PBRM1: variants seen among roughly 807,000 people sequenced by gnomAD.
The protein encoded by PBRM1 is protein polybromo-1.
In PBRM1, 27 loss-of-function variants were observed where a neutral mutation model predicts 194.5. That is an observed-to-expected ratio of 0.14 (90% CI 0.10 to 0.19). The LOEUF (loss-of-function observed/expected upper bound fraction) is 0.19, where lower values mean the gene tolerates loss of function less well. PBRM1 is among the 10% of genes least tolerant of loss of function. The probability of loss-of-function intolerance (pLI) is 1.00; values close to 1 mark genes in which losing one functional copy is unlikely to be tolerated. For synonymous variants in PBRM1, 655 were observed against 693.2 expected, an observed-to-expected ratio of 0.94 and a Z score of 0.87; for missense variants, 1,466 against 2,077.2, an observed-to-expected ratio of 0.71 and a Z score of 5.72.
At chr3:52,590,482 C>A (rs1258050931) in intron 17 of PBRM1, among the ~76,000 whole-genome samples, 1 of 151,878 alleles carries the variant, frequency 6.6e-6, no homozygotes, top group African/African-American at 2.4e-5. Flanking sequence ...AGTTCCAGTA[C>A]AAGCTATCGT....
intron 20 of PBRM1, among the ~76,000 whole-genome samples, chr3:52,582,241 CAA>C (rs71084194): frequency 1.5e-4 from 14 of 91,252 alleles, no homozygotes; most frequent in Non-Finnish European, 1.3e-4. Flanking sequence ...GACTCCGTTT[CAA>C]AAAAAAAAAA....
At chr3:52,555,122 G>C (rs190321114) in intron 26 of PBRM1, among the ~76,000 whole-genome samples, 1 of 152,240 alleles carries the variant, frequency 6.6e-6, no homozygotes, top group Non-Finnish European at 1.5e-5. Flanking sequence ...ATTTTCCCTG[G>C]GGTAAATATG....
intron 3 of PBRM1, among the ~76,000 whole-genome samples, chr3:52,664,242 A>G (rs1011897465): frequency 1.3e-5 from 2 of 151,836 alleles, no homozygotes; most frequent in Admixed American, 6.6e-5. Flanking sequence ...CTTTAAAAAA[A>G]TAAATAAATA....
intron 1 of PBRM1, chr3:52,685,385 A>C (rs2097295765): frequency 6.6e-6 from 1 of 152,134 alleles, no homozygotes; most frequent in Non-Finnish European, 1.5e-5. Context: ...AAGAAACCAC[A>C]ACAAAAAAAA....
intron 11 of PBRM1, among the ~76,000 whole-genome samples, chr3:52,633,329 T>A (rs1423467060): frequency 6.6e-6 from 1 of 152,200 alleles, no homozygotes; most frequent in Non-Finnish European, 1.5e-5. Context: ...TCAAGCTTCA[T>A]CCATGTTAGA....
chr3:52,635,854 TTTTA>T (rs1032408589), intron 10 of PBRM1, among the ~76,000 whole-genome samples: 1 of 152,044 alleles, frequency 6.6e-6, no homozygotes, highest in East Asian at 1.9e-4. Flanking sequence ...GCTGATTCTT[TTTTA>T]TTTATTTCTT....
At chr3:52,596,731 C>G (rs1264962556) in intron 17 of PBRM1, among the ~76,000 whole-genome samples, 1 of 152,126 alleles carries the variant, frequency 6.6e-6, no homozygotes, top group Non-Finnish European at 1.5e-5. Context: ...AGGCAAAGAC[C>G]TCTTTACTCT....
At chr3:52,653,882 C>T (rs2096559477) in intron 5 of PBRM1, among the ~76,000 whole-genome samples, 1 of 152,128 alleles carries the variant, frequency 6.6e-6, no homozygotes, top group Admixed American at 6.5e-5. Flanking sequence ...TGCACTCCAG[C>T]CTGGGTGACA....
chr3:52,685,854 C>A, upstream of PBRM1: 1 of 505,962 alleles, frequency 2.0e-6, no homozygotes, highest in Admixed American at 4.2e-5. Flanking sequence ...CGGCCGCTGC[C>A]GTCGCTTCGG....
Position 52,591,511 on chromosome 3 carries a change from G to GTTTTTTT in PBRM1, c.2780-2263_2780-2257dup, listed in dbSNP as rs57736913. Among the ~76,000 whole-genome samples, 375 of 71,878 alleles carry GTTTTTTT rather than the reference G, an allele frequency of 5.2e-3. 4 individuals are homozygous for GTTTTTTT. The highest frequency in any genetic ancestry group is 6.7e-3 in the Non-Finnish European group (266 of 39,512). The allele number at this position is 71,878 out of a possible 152,430, so 47.2% of individuals were successfully genotyped here. A position where few individuals can be genotyped will look rare whatever the true frequency, so the allele number is the denominator to read the frequency against. On this transcript the variant is annotated intron_variant, in intron 17 of 29. Transcript: ENST00000296302. The stretch of plus-strand genomic sequence containing the variant: ...TTGAGATAATGTAGTTTTTGTCTTT[G>GTTTTTTT]TTTTTTTTTTTTTTTTTTTTTTTTT...
intron 4 of PBRM1, among the ~76,000 whole-genome samples, chr3:52,661,866 A>C (rs1305339185): frequency 6.6e-6 from 1 of 152,214 alleles, no homozygotes; most frequent in Non-Finnish European, 1.5e-5. Context: ...TAATATCAAG[A>C]TTCTCTTTAA....
intron 15 of PBRM1, among the ~76,000 whole-genome samples, chr3:52,613,213 A>G (rs1012679277): frequency 6.6e-6 from 1 of 152,310 alleles, no homozygotes; most frequent in East Asian, 1.9e-4. Context: ...GTGAAATGAC[A>G]TGATTGGATT....
chr3:52,618,785 C>T (rs1047094027), intron 13 of PBRM1, among the ~76,000 whole-genome samples: 5 of 151,610 alleles, frequency 3.3e-5, no homozygotes, highest in Non-Finnish European at 5.9e-5. Context: ...GAGTTTCACT[C>T]TTGTTGCCCA....
intron 2 of PBRM1, 79 bp downstream of exon 3, chr3:52,678,421 G>T: frequency 1.1e-6 from 1 of 895,888 alleles, no homozygotes; most frequent in Non-Finnish European, 1.8e-6. Context: ...CCAACAAAAA[G>T]CTCAATTTCC....
chr3:52,575,291 T>G (rs12107683), intron 22 of PBRM1, among the ~76,000 whole-genome samples: 1 of 151,958 alleles, frequency 6.6e-6, no homozygotes, highest in Non-Finnish European at 1.5e-5. Context: ...TAACCTATAA[T>G]AAGTATTAAG....
exon 15 of PBRM1, chr3:52,615,386 T>G (rs2094901532): frequency 1.9e-6 from 3 of 1,612,280 alleles, no homozygotes; most frequent in Non-Finnish European, 2.5e-6. Context: ...GTCATCATCA[T>G]CAGGCAGTGG....
At chr3:52,554,305 A>G (rs1424892521) in intron 27 of PBRM1, among the ~76,000 whole-genome samples, 1 of 152,268 alleles carries the variant, frequency 6.6e-6, no homozygotes, top group Non-Finnish European at 1.5e-5. Flanking sequence ...GAATTGCACC[A>G]GAGGGAGAAA....
intron 8 of PBRM1, among the ~76,000 whole-genome samples, chr3:52,644,280 A>G (rs2096221179): frequency 1.3e-5 from 2 of 152,162 alleles, no homozygotes; most frequent in South Asian, 2.1e-4. Context: ...CAGAATTATA[A>G]TATCAACTGT....
intron 17 of PBRM1, among the ~76,000 whole-genome samples, chr3:52,592,905 A>G (rs2093228980): frequency 6.6e-6 from 1 of 152,162 alleles, no homozygotes; most frequent in Non-Finnish European, 1.5e-5. Context: ...TGTGTTCAGG[A>G]ATTTATCCAT....
Sources: allele counts gnomAD v4.1 joint callset (sites outside exome capture counted in the v4.1 genomes callset), GRCh38; gene constraint gnomAD v4.1.1; transcripts MANE v1.5; gene names NCBI Gene and HGNC (gene_info 2026-07-23, HGNC 2026-07-21).